VPS52: variants seen among roughly 807,000 people sequenced by gnomAD.
The protein encoded by VPS52 is vacuolar protein sorting-associated protein 52 homolog.
In VPS52, 56 loss-of-function variants were observed where a neutral mutation model predicts 98.7. The ratio of observed to expected loss-of-function variants is 0.57; its 90% confidence interval spans 0.46 to 0.71. The LOEUF (loss-of-function observed/expected upper bound fraction) is 0.71. Among genes scored for constraint, VPS52 ranks in the 30% least tolerant of loss-of-function variants. VPS52 has a pLI of 0.00. For missense variants in VPS52, 742 were observed against 925.9 expected (o/e 0.80, Z 2.58); for synonymous variants, 348 against 346.4 (o/e 1.00, Z -0.05).
intron 14 of VPS52, 21 bp downstream of exon 14, chr6:33,264,353 G>C: frequency 6.2e-7 from 1 of 1,613,086 alleles, no homozygotes; most frequent in East Asian, 2.2e-5. Context: ...AGAACCCTTT[G>C]TTACCCTTGC....
intron 17 of VPS52, among the ~76,000 whole-genome samples, chr6:33,262,040 C>CAAAAAAAAAAAAAAA (rs9257102): frequency 6.5e-5 from 1 of 15,378 alleles, no homozygotes; most frequent in African/African-American, 2.3e-4. Context: ...AACTCCATCT[C>CAAAAAAAAAAAAAAA]AAAAAAAAAA....
chr6:33,250,545 T>C lies in VPS52; in HGVS notation c.*296A>G. On this transcript the variant is annotated 3_prime_UTR_variant, in exon 20 of 20. Transcript: ENST00000445902. ...TTTTTACAGGGGAAGAAACAAGCCT[T>C]GGGTGTATGGGAGCAGGAAAGGAGG... 2.6e-6 allele frequency: 1 copy of C among 378,982 alleles called. No homozygotes were observed. The allele number at this position is 378,982 out of a possible 1,614,324, so 23.5% of individuals were successfully genotyped here. A position where few individuals can be genotyped will look rare whatever the true frequency, so the allele number is the denominator to read the frequency against.
chr6:33,268,247 A>T lies in VPS52; in HGVS notation c.700-39T>A. 6.2e-7 allele frequency: 1 copy of T among 1,602,892 alleles called. No individual in the cohort carries two copies. Among genetic ancestry groups the T allele is most frequent in the Non-Finnish European group, 8.5e-7 (1 of 1,171,138 alleles). On this transcript the variant is annotated intron_variant, in intron 7 of 19. Transcript: ENST00000445902. The surrounding 1 kb of genome is among the most constrained non-coding windows in gnomAD (Gnocchi z 4.0). ...ACCAAACACAGGGCATGAAGCTGCA[A>T]CCCTTTTGCTGTATGAGAGGAACTG...
intron 17 of VPS52, among the ~76,000 whole-genome samples, chr6:33,261,388 A>G (rs1361728381): frequency 6.6e-6 from 1 of 151,758 alleles, no homozygotes; most frequent in Non-Finnish European, 1.5e-5. Context: ...AATCACTTGA[A>G]CCAAGGAGGC....
At chr6:33,262,037 T>A (rs1426116933) in intron 17 of VPS52, among the ~76,000 whole-genome samples, 1 of 25,066 alleles carries the variant, frequency 4.0e-5, no homozygotes, top group Non-Finnish European at 6.3e-5. Flanking sequence ...CAAAACTCCA[T>A]CTCAAAAAAA....
rs527325440 is a variant in VPS52 at position 33,271,817 on chromosome 6, T to G, written c.-142A>C. On this transcript the variant is annotated 5_prime_UTR_variant, in exon 1 of 20. Coordinates refer to ENST00000445902, the MANE Select transcript of VPS52 (RefSeq NM_022553.6). ...AGTTGTTTGACTCCAGCTGTCCCCTTTCAGCTCTAACCACTTCACCCAACT... is the reference window on the plus strand; with the variant it reads ...AGTTGTTTGACTCCAGCTGTCCCCTGTCAGCTCTAACCACTTCACCCAACT... 44 of 1,444,110 alleles carry G rather than the reference T, an allele frequency of 3.0e-5. 1 individual carries two copies. In the Admixed American group the frequency reaches 6.3e-4, roughly 21 times the overall value. 89.5% of individuals were successfully genotyped at this position (1,444,110 alleles called of 1,614,324 possible). A position where few individuals can be genotyped will look rare whatever the true frequency, so the allele number is the denominator to read the frequency against.
rs1332208411 is a variant in VPS52 at position 33,267,896 on chromosome 6, C to T, written c.902G>A (p.Arg301His). 4 of 1,613,080 alleles carry T rather than the reference C, an allele frequency of 2.5e-6. No homozygotes were observed. Among genetic ancestry groups the T allele is most frequent in the African/African-American group, 1.3e-5 (1 of 75,026 alleles). Residue 301 changes from arginine to histidine, a missense_variant, in exon 9 of 20, where the codon CGC (arginine) becomes CAC (histidine). Arg to His is a conservative substitution (Grantham distance 29). Around this residue, in one of 2 missense-constraint regions of VPS52, gnomAD observed 590 missense variants for 793.3 expected, o/e 0.74. Transcript: ENST00000445902. This position sits in a 1 kb window ranked among gnomAD's most constrained non-coding sequence, Gnocchi z 4.2. The part of the protein sequence containing the change: ...TLSKIYLSYY[R>H]SYLGRLMKVQ... The stretch of plus-strand genomic sequence containing the variant: ...CTTCATGAGCCGCCCCAGGTAAGAG[C>T]GGTAGTAAGACAGGTAAATCTTGCT...
intron 17 of VPS52, among the ~76,000 whole-genome samples, chr6:33,257,087 C>T (rs1763081841): frequency 6.6e-6 from 1 of 151,990 alleles, no homozygotes; most frequent in Non-Finnish European, 1.5e-5. Flanking sequence ...TGGAGTGCAG[C>T]AGCACAAACA....
At chr6:33,260,775 G>T (rs1207242454) in intron 17 of VPS52, among the ~76,000 whole-genome samples, 10 of 152,154 alleles carry the variant, frequency 6.6e-5, no homozygotes, top group African/African-American at 1.9e-4. Flanking sequence ...TGAGGCGGGT[G>T]AATCACCTGA....
At chr6:33,265,324 C>T (rs1764175732) in intron 12 of VPS52, among the ~76,000 whole-genome samples, 1 of 152,160 alleles carries the variant, frequency 6.6e-6, no homozygotes, top group Admixed American at 6.5e-5. Context: ...GATCCGCCCA[C>T]CTCAGCCTCC....
intron 17 of VPS52, among the ~76,000 whole-genome samples, chr6:33,261,052 C>T (rs749925462): frequency 6.6e-5 from 10 of 151,140 alleles, no homozygotes; most frequent in Non-Finnish European, 1.3e-4. Context: ...AATTCAAGAC[C>T]AGCCCAGGCA....
chr6:33,270,858 G>A (rs1415345839), intron 1 of VPS52, among the ~76,000 whole-genome samples: 2 of 151,494 alleles, frequency 1.3e-5, no homozygotes, highest in Non-Finnish European at 2.9e-5. Flanking sequence ...GGTTGAGGCA[G>A]GAGAATGGCG....
chr6:33,268,211 A>T lies in VPS52; in HGVS notation c.700-3T>A. On this transcript the variant is annotated splice_polypyrimidine_tract_variant and splice_region_variant and intron_variant, in intron 7 of 19. Transcript: ENST00000445902. This position sits in a 1 kb window ranked among gnomAD's most constrained non-coding sequence, Gnocchi z 4.0. Reference sequence around the variant, plus strand: ...AACTCTCGGATCTTCGTCACTGCCTAGATGTGGGGAACCAAACACAGGGCA... The same window carrying T: ...AACTCTCGGATCTTCGTCACTGCCTTGATGTGGGGAACCAAACACAGGGCA... 6.2e-7 allele frequency: 1 copy of T among 1,613,040 alleles called. No individual in the cohort carries two copies. The highest frequency in any genetic ancestry group is 1.1e-5 in the South Asian group (1 of 91,078).
At chr6:33,254,247 C>T (rs970335514) in intron 17 of VPS52, among the ~76,000 whole-genome samples, 1 of 151,964 alleles carries the variant, frequency 6.6e-6, no homozygotes, top group African/African-American at 2.4e-5. Context: ...GCACTCCAGC[C>T]TGGGCGACAG....
In VPS52 at chr6:33,267,199, C is replaced by T. The variant is rs1391650088; in HGVS notation, c.1114G>A (p.Gly372Arg). Reference sequence around the variant, plus strand: ...GTTCCTCCTCATACCCTCTGCTCTCCGCGCTGCGCTGTGTGAGGCACCAGG... The same window carrying T: ...GTTCCTCCTCATACCCTCTGCTCTCTGCGCTGCGCTGTGTGAGGCACCAGG... ...PILVPHTAQR[G>R]EQRYPFEALF... The change falls in exon 11 of 20, where the codon GGA becomes AGA. Residue 372 changes from glycine (G) to arginine (R), a missense_variant. Coordinates refer to ENST00000445902, the MANE Select transcript of VPS52 (RefSeq NM_022553.6). The surrounding 1 kb of genome is among the most constrained non-coding windows in gnomAD (Gnocchi z 4.2). 1.5e-5 allele frequency: 23 copies of T among 1,527,380 alleles called. No homozygotes were observed. Among genetic ancestry groups the T allele is most frequent in the Admixed American group, 2.2e-5 (1 of 46,298 alleles). The allele number at this position is 1,527,380 out of a possible 1,614,324, so 94.6% of individuals were successfully genotyped here.
At chr6:33,263,091 AAAAT>A (rs1763820674) in intron 17 of VPS52, among the ~76,000 whole-genome samples, 1 of 151,654 alleles carries the variant, frequency 6.6e-6, no homozygotes, top group African/African-American at 2.4e-5. Context: ...AGAAAAAAAT[AAAAT>A]TCATTCTAAA....
intron 17 of VPS52, among the ~76,000 whole-genome samples, chr6:33,255,198 CAG>C: frequency 6.6e-6 from 1 of 152,200 alleles, no homozygotes; most frequent in East Asian, 1.9e-4. Context: ...ACCTTGATAG[CAG>C]AGGAGTGACC....
At position 33,250,656 on chromosome 6, in the gene VPS52, G is replaced by A; in HGVS notation, c.*185C>T. 1 of 739,368 alleles carries A rather than the reference G, an allele frequency of 1.4e-6. No homozygotes were observed. The highest frequency in any genetic ancestry group is 2.1e-6 in the Non-Finnish European group (1 of 471,740). The allele number at this position is 739,368 out of a possible 1,614,324, so 45.8% of individuals were successfully genotyped here. A position where few individuals can be genotyped will look rare whatever the true frequency, so the allele number is the denominator to read the frequency against. On this transcript the variant is annotated 3_prime_UTR_variant, in exon 20 of 20. Coordinates refer to ENST00000445902, the MANE Select transcript of VPS52 (RefSeq NM_022553.6). ...AAACCTGAAGACACTGGGATATTCA[G>A]AAGGCCAAGGGGATCCAGCTTATCC...
At chr6:33,253,074 C>CA (rs1362418662) in intron 17 of VPS52, among the ~76,000 whole-genome samples, 1 of 152,036 alleles carries the variant, frequency 6.6e-6, no homozygotes, top group Admixed American at 6.6e-5. Context: ...TTCTAGATGA[C>CA]AAATGACTCA....
Sources: gnomAD v4.1 joint callset for allele counts (sites outside exome capture counted in the v4.1 genomes callset) on GRCh38, gnomAD v4.1.1 for gene constraint, gnomAD v4.1.1 regional missense constraint, Gnocchi (gnomAD v3.1) non-coding constraint, MANE v1.5 for transcripts, NCBI Gene and HGNC (gene_info 2026-07-23, HGNC 2026-07-21) for gene names.